The following SMAP1 variants were observed in gnomAD, a reference collection of about 807,000 sequenced individuals.
SMAP1 encodes the protein stromal membrane-associated protein 1.
SMAP1 carries 24 observed loss-of-function variants against 58.5 expected under a neutral mutation model. The ratio of observed to expected loss-of-function variants is 0.41; its 90% CI spans 0.30 to 0.58. The LOEUF (loss-of-function observed/expected upper bound fraction) is 0.58. Among genes scored for constraint, SMAP1 ranks in the 20% least tolerant of loss-of-function variants. The pLI, the probability that SMAP1 is intolerant of heterozygous loss-of-function variation, is 0.29. For synonymous variants in SMAP1, 216 were observed against 196.6 expected (o/e 1.10, Z -0.82); for missense variants, 563 against 566.3 (o/e 0.99, Z 0.06).
At chr6:70,807,255 G>A (rs1278966381) in intron 6 of SMAP1, among the ~76,000 whole-genome samples, 1 of 152,170 alleles carries the variant, frequency 6.6e-6, no homozygotes, top group East Asian at 1.9e-4. Flanking sequence ...TTTTTGTAGT[G>A]TTCCAGAAAC....
At chr6:70,785,434 C>G (rs1309182340) in intron 4 of SMAP1, among the ~76,000 whole-genome samples, 1 of 151,924 alleles carries the variant, frequency 6.6e-6, no homozygotes, top group Non-Finnish European at 1.5e-5. Context: ...CTAGCAGAGG[C>G]AAGAAATAAC....
chr6:70,695,552 G>A (rs1353057166), intron 1 of SMAP1, among the ~76,000 whole-genome samples: 1 of 152,042 alleles, frequency 6.6e-6, no homozygotes, highest in Admixed American at 6.6e-5. Flanking sequence ...TTTGGTTTTT[G>A]TCCTTCATTC....
At chr6:70,851,166 A>G (rs1044674816) in intron 7 of SMAP1, among the ~76,000 whole-genome samples, 4 of 152,210 alleles carry the variant, frequency 2.6e-5, no homozygotes, top group South Asian at 2.1e-4. Flanking sequence ...AATAACTTTC[A>G]GATTAACCTA....
chr6:70,668,581 G>C, intron 1 of SMAP1: 3 of 1,535,588 alleles, frequency 2.0e-6, no homozygotes, highest in Admixed American at 2.0e-5. Context: ...TCTACCCTCC[G>C]GTGTGACCAC....
chr6:70,859,578 T>C, intron 10 of SMAP1: 1 of 450,590 alleles, frequency 2.2e-6, no homozygotes, highest in Non-Finnish European at 3.9e-6. Flanking sequence ...ATATGGTAAA[T>C]CTTGCCTTTC....
chr6:70,670,567 A>G (rs1286412831), intron 1 of SMAP1, among the ~76,000 whole-genome samples: 1 of 152,212 alleles, frequency 6.6e-6, no homozygotes, highest in Non-Finnish European at 1.5e-5. Flanking sequence ...TAAATATAGT[A>G]CTTTTAAAAG....
intron 1 of SMAP1, among the ~76,000 whole-genome samples, chr6:70,691,669 G>A (rs1184120632): frequency 6.6e-6 from 1 of 152,066 alleles, no homozygotes; most frequent in Non-Finnish European, 1.5e-5. Flanking sequence ...GAGTTCAATT[G>A]TTTTAATTTT....
intron 6 of SMAP1, among the ~76,000 whole-genome samples, chr6:70,813,092 T>A (rs1230714439): frequency 6.6e-6 from 1 of 152,172 alleles, no homozygotes. Flanking sequence ...TAGTTCTCTT[T>A]TGGGAATGTA....
intron 4 of SMAP1, among the ~76,000 whole-genome samples, chr6:70,782,760 G>GT (rs1484702841): frequency 6.6e-6 from 1 of 152,100 alleles, no homozygotes; most frequent in Non-Finnish European, 1.5e-5. Context: ...GGGCTTTATT[G>GT]TTCTTTGGAT....
At chr6:70,701,410 A>G (rs543837815) in intron 1 of SMAP1, among the ~76,000 whole-genome samples, 4 of 152,314 alleles carry the variant, frequency 2.6e-5, no homozygotes, top group Non-Finnish European at 4.4e-5. Context: ...ACTGGCTGCA[A>G]GCCCAGCACA....
chr6:70,730,238 G>T (rs1180256188), intron 1 of SMAP1, among the ~76,000 whole-genome samples: 1 of 152,080 alleles, frequency 6.6e-6, no homozygotes, highest in Non-Finnish European at 1.5e-5. Flanking sequence ...TTTTATTAGA[G>T]ACCACTGTGG....
intron 1 of SMAP1, among the ~76,000 whole-genome samples, chr6:70,726,073 C>G (rs1448910948): frequency 6.6e-6 from 1 of 152,150 alleles, no homozygotes; most frequent in Admixed American, 6.5e-5. Flanking sequence ...TCTCAGCTGG[C>G]TCTCCATTTT....
At chr6:70,735,875 T>C (rs1167894791) in intron 2 of SMAP1, among the ~76,000 whole-genome samples, 1 of 152,232 alleles carries the variant, frequency 6.6e-6, no homozygotes, top group Non-Finnish European at 1.5e-5. Context: ...CATTTCATAA[T>C]TGTGTTTCTA....
intron 6 of SMAP1, among the ~76,000 whole-genome samples, chr6:70,808,785 G>C (rs989385316): frequency 2.7e-5 from 4 of 150,194 alleles, no homozygotes; most frequent in Admixed American, 2.6e-4. Flanking sequence ...TTTCAAACTG[G>C]TTTCTCGCCT....
chr6:70,732,084 C>T (rs1466912905), intron 1 of SMAP1, among the ~76,000 whole-genome samples: 1 of 151,728 alleles, frequency 6.6e-6, no homozygotes, highest in Admixed American at 6.6e-5. Context: ...ATTACTATTC[C>T]TGATTCAAAT....
intron 1 of SMAP1, among the ~76,000 whole-genome samples, chr6:70,696,538 A>G (rs1474553705): frequency 6.6e-6 from 1 of 152,112 alleles, no homozygotes; most frequent in Non-Finnish European, 1.5e-5. Context: ...TAATTTCCAT[A>G]TATTTGTATA....
At chr6:70,811,573 G>GACACAC (rs139108005) in intron 6 of SMAP1, among the ~76,000 whole-genome samples, 3 of 150,302 alleles carry the variant, frequency 2.0e-5, no homozygotes, top group African/African-American at 7.3e-5. Context: ...CACCCCTGCT[G>GACACAC]ACACACACAC....
intron 7 of SMAP1, among the ~76,000 whole-genome samples, chr6:70,838,105 G>T (rs1231378714): frequency 6.6e-6 from 1 of 151,784 alleles, no homozygotes; most frequent in Non-Finnish European, 1.5e-5. Context: ...ATAATTTCTT[G>T]TTTTATTTCC....
intron 3 of SMAP1, among the ~76,000 whole-genome samples, chr6:70,757,750 C>T (rs1766560620): frequency 1.3e-5 from 2 of 152,244 alleles, no homozygotes; most frequent in East Asian, 3.9e-4. Context: ...ATCTATGCAG[C>T]CAAAAAACAC....
Sources: gnomAD v4.1 joint callset for allele counts (sites outside exome capture counted in the v4.1 genomes callset) on GRCh38, gnomAD v4.1.1 for gene constraint, MANE v1.5 for transcripts, NCBI Gene and HGNC (gene_info 2026-07-23, HGNC 2026-07-21) for gene names.